The following KALRN variants were observed in gnomAD, a reference collection of about 807,000 sequenced individuals.
KALRN encodes the protein kalirin.
In KALRN, 70 loss-of-function variants were observed where a neutral mutation model predicts 353.7. The ratio of observed to expected loss-of-function variants is 0.20; its 90% CI spans 0.16 to 0.24. The LOEUF is 0.24. Ranked by LOEUF, KALRN falls within the 10% of genes least tolerant of loss-of-function variation. KALRN has a pLI of 1.00. For synonymous variants in KALRN, 1,391 were observed against 1,434.8 expected (o/e 0.97, Z 0.69); for missense variants, 2,791 against 3,756.7 (o/e 0.74, Z 6.72).
At chr3:124,099,100 A>G (rs1012092157) in intron 1 of KALRN, among the ~76,000 whole-genome samples, 1 of 152,222 alleles carries the variant, frequency 6.6e-6, no homozygotes, top group Non-Finnish European at 1.5e-5. Flanking sequence ...AACGTTTCTT[A>G]TTTATGTTAG....
chr3:124,473,167 A>T (rs913877102), intron 25 of KALRN, among the ~76,000 whole-genome samples: 1 of 152,218 alleles, frequency 6.6e-6, no homozygotes, highest in Admixed American at 6.5e-5. Flanking sequence ...GGAGGAACAC[A>T]TACAACACAT....
intron 1 of KALRN, among the ~76,000 whole-genome samples, chr3:124,101,169 A>G (rs977588186): frequency 1.3e-5 from 2 of 152,200 alleles, no homozygotes; most frequent in Non-Finnish European, 2.9e-5. Flanking sequence ...ACTTTCCTTC[A>G]TATTCCCAGA....
chr3:124,096,936 G>C (rs551382261), intron 1 of KALRN, among the ~76,000 whole-genome samples: 2 of 152,330 alleles, frequency 1.3e-5, no homozygotes, highest in Admixed American at 6.5e-5. Flanking sequence ...ATGCACGTTT[G>C]ATCACCACAT....
chr3:124,411,048 G>A (rs760603583), intron 13 of KALRN, among the ~76,000 whole-genome samples: 3 of 152,176 alleles, frequency 2.0e-5, no homozygotes, highest in Non-Finnish European at 4.4e-5. Flanking sequence ...ACACACAGCA[G>A]CGTGGATGAA....
At position 124,671,931 on chromosome 3, in the gene KALRN, A is replaced by G. The variant is rs759622137; in HGVS notation, c.6942+33A>G. ...ACAACTCATTACTCCCACCCTTGTCACTACGATGGCATAGCCTCAGGGGTT... is the reference window on the plus strand; with the variant it reads ...ACAACTCATTACTCCCACCCTTGTCGCTACGATGGCATAGCCTCAGGGGTT... On this transcript the variant is annotated intron_variant, in intron 48 of 59. Coordinates refer to ENST00000682506, the MANE Select transcript of KALRN (RefSeq NM_001388419.1). The G allele has an allele frequency of 1.1e-5, 16 of 1,476,466 alleles. 1 individual carries two copies. The highest frequency in any genetic ancestry group is 2.3e-5 in the South Asian group (2 of 87,634). The allele number at this position is 1,476,466 out of a possible 1,614,324, so 91.5% of individuals were successfully genotyped here. A position where few individuals can be genotyped will look rare whatever the true frequency, so the allele number is the denominator to read the frequency against.
At chr3:124,495,957 GTATGTATGTATATATA>G (rs2063686927) in intron 32 of KALRN, among the ~76,000 whole-genome samples, 2 of 44,224 alleles carry the variant, frequency 4.5e-5, no homozygotes, top group African/African-American at 1.7e-4. Flanking sequence ...GTGTGTATGT[GTATGTATGTATATATA>G]TATATATATA....
chr3:124,647,664 TATTC>T (rs1167980271), intron 37 of KALRN, among the ~76,000 whole-genome samples: 1 of 152,216 alleles, frequency 6.6e-6, no homozygotes, highest in Admixed American at 6.5e-5. Context: ...AGCTTTGTCT[TATTC>T]ATCCTCATTT....
chr3:124,700,460 G>A (rs957044276), intron 56 of KALRN, among the ~76,000 whole-genome samples: 1 of 152,190 alleles, frequency 6.6e-6, no homozygotes, highest in Admixed American at 6.5e-5. Context: ...ATTACAACAT[G>A]AGGATTTCAT....
chr3:124,091,274 G>C (rs975802510), intron 1 of KALRN, among the ~76,000 whole-genome samples: 1 of 152,162 alleles, frequency 6.6e-6, no homozygotes, highest in Non-Finnish European at 1.5e-5. Flanking sequence ...GTCTGTGGAC[G>C]GTCTTCACTT....
intron 1 of KALRN, among the ~76,000 whole-genome samples, chr3:124,037,317 C>T (rs181962042): frequency 5.9e-4 from 90 of 152,218 alleles, no homozygotes; most frequent in Admixed American, 2.0e-3. Flanking sequence ...GGTGGAACTT[C>T]GGGTGGTCCT....
intron 53 of KALRN, 61 bp downstream of exon 53, chr3:124,694,564 C>T: frequency 6.6e-7 from 1 of 1,520,052 alleles, no homozygotes; most frequent in Non-Finnish European, 9.0e-7. Flanking sequence ...CACTGAGAGG[C>T]TGAATCTGGG....
At chr3:124,359,065 T>G (rs2083728551) in intron 10 of KALRN, among the ~76,000 whole-genome samples, 1 of 152,182 alleles carries the variant, frequency 6.6e-6, no homozygotes, top group East Asian at 1.9e-4. Context: ...GACCCCTAAG[T>G]GATACTTTTT....
intron 33 of KALRN, among the ~76,000 whole-genome samples, chr3:124,548,814 C>A (rs143739336): frequency 2.0e-5 from 3 of 152,142 alleles, no homozygotes; most frequent in African/African-American, 4.8e-5. Context: ...CCACCACGCC[C>A]GGCTAATTTT....
chr3:124,199,960 T>C (rs2075807826), intron 1 of KALRN, among the ~76,000 whole-genome samples: 2 of 152,228 alleles, frequency 1.3e-5, no homozygotes, highest in Admixed American at 6.5e-5. Context: ...AAGAGGTTCC[T>C]GAAAAGGTTT....
intron 37 of KALRN, among the ~76,000 whole-genome samples, chr3:124,649,159 GT>G (rs2150078725): frequency 6.6e-6 from 1 of 152,258 alleles, no homozygotes; most frequent in East Asian, 1.9e-4. Context: ...TTAGTGTTAT[GT>G]TTTTCAGATT....
chr3:124,530,447 A>G (rs2067943911), intron 33 of KALRN, among the ~76,000 whole-genome samples: 1 of 152,196 alleles, frequency 6.6e-6, no homozygotes, highest in East Asian at 1.9e-4. Flanking sequence ...GCTGGAGTGC[A>G]GTGGTGTGAT....
chr3:124,389,916 A>G (rs2089070200), intron 11 of KALRN, among the ~76,000 whole-genome samples: 1 of 152,210 alleles, frequency 6.6e-6, no homozygotes, highest in South Asian at 2.1e-4. Flanking sequence ...TTATTTTTCA[A>G]AAGCAAAACT....
At chr3:124,100,481 A>G (rs891246052) in intron 1 of KALRN, 3 of 152,076 alleles carry the variant, frequency 2.0e-5, no homozygotes, top group African/African-American at 7.2e-5. Context: ...ATGAAATTAG[A>G]CCCCTATCTC....
intron 34 of KALRN, among the ~76,000 whole-genome samples, chr3:124,609,330 T>C (rs960646459): frequency 6.6e-6 from 1 of 152,178 alleles, no homozygotes; most frequent in Non-Finnish European, 1.5e-5. Context: ...GCATAAGAAA[T>C]GGGTGGGTGA....
Sources: allele counts gnomAD v4.1 joint callset (sites outside exome capture counted in the v4.1 genomes callset), GRCh38; gene constraint gnomAD v4.1.1; transcripts MANE v1.5; gene names NCBI Gene and HGNC (gene_info 2026-07-23, HGNC 2026-07-21).